The following KCNH5 variants were observed in gnomAD, a reference collection of about 807,000 sequenced individuals.
KCNH5 encodes potassium voltage-gated channel subfamily H member 5, also known as voltage-gated delayed rectifier potassium channel KCNH5.
A neutral mutation model predicts 96.1 loss-of-function variants in KCNH5; 46 were observed. The ratio of observed to expected loss-of-function variants is 0.48; its 90% confidence interval spans 0.38 to 0.61. The LOEUF (loss-of-function observed/expected upper bound fraction) is 0.61. Ranked by LOEUF, KCNH5 falls within the 20% of genes least tolerant of loss-of-function variation. KCNH5 has a pLI of 0.00. For missense variants in KCNH5, 907 were observed against 1,225.8 expected (o/e 0.74, Z 3.88); for synonymous variants, 439 against 449.8 (o/e 0.98, Z 0.30).
intron 6 of KCNH5, among the ~76,000 whole-genome samples, chr14:62,968,437 T>TA (rs1890343718): frequency 6.6e-6 from 1 of 152,224 alleles, no homozygotes; most frequent in Non-Finnish European, 1.5e-5. Context: ...CTTGGAGGCT[T>TA]AACCCTAGGG....
intron 7 of KCNH5, among the ~76,000 whole-genome samples, chr14:62,915,422 T>C (rs951094199): frequency 1.3e-5 from 2 of 152,210 alleles, no homozygotes; most frequent in Non-Finnish European, 2.9e-5. Context: ...ATAATTCTTA[T>C]GGGTAGCATG....
At chr14:62,834,942 T>C (rs1566676219) in intron 8 of KCNH5, among the ~76,000 whole-genome samples, 1 of 151,998 alleles carries the variant, frequency 6.6e-6, no homozygotes. Context: ...CTGTTTACTA[T>C]CCGGCCCTTT....
intron 8 of KCNH5, among the ~76,000 whole-genome samples, chr14:62,837,570 C>T (rs1314608830): frequency 6.6e-6 from 1 of 152,124 alleles, no homozygotes; most frequent in Non-Finnish European, 1.5e-5. Context: ...CAAAATTTCT[C>T]TAACAGAAAA....
Position 62,788,393 on chromosome 14 carries a change from G to A in KCNH5, c.1823-8469C>T, listed in dbSNP as rs1382045055. ...CTACTTACGGATGAGCAAAGAAAGT[G>A]GTTTCTTGAGACAGAATCTACTCTT... On this transcript the variant is annotated intron_variant, in intron 9 of 10. Coordinates refer to ENST00000322893, the MANE Select transcript of KCNH5 (RefSeq NM_139318.5). Among the ~76,000 whole-genome samples the A allele has an allele frequency of 3.3e-5, 5 of 152,140 alleles. No homozygotes were observed. In the East Asian group the frequency reaches 9.6e-4, roughly 29 times the overall value.
intron 2 of KCNH5, among the ~76,000 whole-genome samples, chr14:63,010,355 C>T (rs1891201880): frequency 1.3e-5 from 2 of 152,262 alleles, no homozygotes; most frequent in South Asian, 2.1e-4. Flanking sequence ...CTGGAATGTA[C>T]GGATGGGACT....
At position 62,802,806 on chromosome 14, in the gene KCNH5, C is replaced by T. The variant is rs528553051; in HGVS notation, c.1570-225G>A. Among the ~76,000 whole-genome samples the T allele has an allele frequency of 2.0e-5, 3 of 152,230 alleles. No homozygotes were observed. In the East Asian group the frequency reaches 5.8e-4, roughly 30 times the overall value. ...GCATATGGACCATGACAATGCAGAACTATGTAGTAAATGCTTTGAGAAGAG... is the reference window on the plus strand; with the variant it reads ...GCATATGGACCATGACAATGCAGAATTATGTAGTAAATGCTTTGAGAAGAG... On this transcript the variant is annotated intron_variant, in intron 8 of 10. Transcript: ENST00000322893.
In KCNH5 at chr14:62,836,946, G is replaced by A. The variant is rs183280717; in HGVS notation, c.1569+12707C>T. Among the ~76,000 whole-genome samples, 456 of 152,218 alleles carry A rather than the reference G, an allele frequency of 3.0e-3. 1 individual carries two copies. Among genetic ancestry groups the A allele is most frequent in the Admixed American group, 4.7e-3 (71 of 15,252 alleles). On this transcript the variant is annotated intron_variant, in intron 8 of 10. Coordinates refer to ENST00000322893, the MANE Select transcript of KCNH5 (RefSeq NM_139318.5). ...ATCAGAATCAAACTTTGACTCTACC[G>A]TTTATTAGGTGTATAATCTTGGATA...
intron 1 of KCNH5, among the ~76,000 whole-genome samples, chr14:63,034,204 C>T (rs1891681223): frequency 6.6e-6 from 1 of 152,142 alleles, no homozygotes; most frequent in Admixed American, 6.5e-5. Context: ...AGGTATGAGC[C>T]ACGGCACCCA....
At chr14:62,843,200 G>C (rs1228074367) in intron 8 of KCNH5, among the ~76,000 whole-genome samples, 1 of 151,932 alleles carries the variant, frequency 6.6e-6, no homozygotes, top group Non-Finnish European at 1.5e-5. Flanking sequence ...CTTATCTCCT[G>C]GTAAGTGTGC....
At chr14:63,026,392 A>G (rs1323812501) in intron 1 of KCNH5, among the ~76,000 whole-genome samples, 3 of 152,108 alleles carry the variant, frequency 2.0e-5, no homozygotes, top group Non-Finnish European at 4.4e-5. Flanking sequence ...AAAGCTGTAC[A>G]GCAAAGGAAA....
chr14:62,875,900 T>C (rs1039276567), intron 7 of KCNH5, among the ~76,000 whole-genome samples: 3 of 152,104 alleles, frequency 2.0e-5, no homozygotes, highest in Non-Finnish European at 4.4e-5. Context: ...CCTGGTGCTA[T>C]GGCTCATGCC....
rs1157400562 is a variant in KCNH5, at chr14:62,712,470, T to C, written c.2020-4015A>G. On this transcript the variant is annotated intron_variant, in intron 10 of 10. Transcript: ENST00000322893. Reference sequence around the variant, plus strand: ...TATTCTTTTATCACAGAGAAGCAAATTGAGGCATAAAGAGTTTAAGTGGTT... The same window carrying C: ...TATTCTTTTATCACAGAGAAGCAAACTGAGGCATAAAGAGTTTAAGTGGTT... The C allele has an allele frequency of 1.7e-5, 10 of 596,260 alleles. No homozygotes were observed. In the East Asian group the frequency reaches 2.5e-4, roughly 15 times the overall value. 36.9% of individuals were successfully genotyped at this position (596,260 alleles called of 1,614,324 possible).
At chr14:62,732,887 GTCTC>G (rs978005244) in intron 10 of KCNH5, among the ~76,000 whole-genome samples, 1 of 151,816 alleles carries the variant, frequency 6.6e-6, no homozygotes, top group Admixed American at 6.6e-5. Context: ...CTCTCTTTCT[GTCTC>G]TCTCTCTTTC....
chr14:62,979,846 A>G (rs1295630819), intron 6 of KCNH5, among the ~76,000 whole-genome samples: 2 of 152,206 alleles, frequency 1.3e-5, no homozygotes, highest in Non-Finnish European at 2.9e-5. Flanking sequence ...AGGTGCACTG[A>G]TAACACTGAA....
chr14:62,916,077 C>T (rs187795049), intron 7 of KCNH5, among the ~76,000 whole-genome samples: 2,506 of 151,434 alleles, frequency 0.017, 42 homozygotes, highest in Non-Finnish European at 0.024. Flanking sequence ...CTCAGGCTCC[C>T]GAGTAGCTGG....
chr14:63,001,625 T>G (rs1034166596), intron 3 of KCNH5, among the ~76,000 whole-genome samples, 166 bp from the exon 4 acceptor site: 2 of 152,212 alleles, frequency 1.3e-5, no homozygotes, highest in African/African-American at 4.8e-5. Context: ...AACCTTTAAT[T>G]TTGTATCAAC....
intron 1 of KCNH5, among the ~76,000 whole-genome samples, chr14:63,035,668 G>C (rs1891709239): frequency 6.6e-6 from 1 of 152,166 alleles, no homozygotes; most frequent in African/African-American, 2.4e-5. Context: ...TGTGTTGTTT[G>C]TTTGGGTTTA....
intron 6 of KCNH5, among the ~76,000 whole-genome samples, chr14:62,962,053 G>A (rs1342639016): frequency 6.6e-6 from 1 of 151,746 alleles, no homozygotes; most frequent in African/African-American, 2.4e-5. Context: ...AGACGGAGAT[G>A]GAGAGAAGAT....
chr14:62,843,720 T>G (rs1321030555), intron 8 of KCNH5, among the ~76,000 whole-genome samples: 1 of 152,164 alleles, frequency 6.6e-6, no homozygotes, highest in African/African-American at 2.4e-5. Context: ...CCTACATGGC[T>G]TTTAAATACA....
Sources: gnomAD v4.1 joint callset for allele counts (sites outside exome capture counted in the v4.1 genomes callset) on GRCh38, gnomAD v4.1.1 for gene constraint, MANE v1.5 for transcripts, NCBI Gene and HGNC (gene_info 2026-07-23, HGNC 2026-07-21) for gene names.